Variants in AHCYL2 observed in about 807,000 individuals in gnomAD.
AHCYL2 encodes the protein adenosylhomocysteinase like 2.
AHCYL2 carries 28 observed loss-of-function variants against 81.4 expected under a neutral mutation model. That is an observed-to-expected ratio of 0.34 (90% CI 0.25 to 0.47). The LOEUF (loss-of-function observed/expected upper bound fraction) is 0.47, where lower values mean the gene tolerates loss of function less well. AHCYL2 is among the 20% of genes least tolerant of loss of function. AHCYL2 has a pLI of 1.00. For missense variants in AHCYL2, 551 were observed against 785.1 expected, an observed-to-expected ratio of 0.70 and a Z score of 3.56; for synonymous variants, 272 against 290.2, an observed-to-expected ratio of 0.94 and a Z score of 0.64.
At chr7:129,272,426 A>G (rs577407519) in intron 1 of AHCYL2, among the ~76,000 whole-genome samples, 15 of 152,336 alleles carry the variant, frequency 9.8e-5, no homozygotes, top group South Asian at 6.2e-4. Context: ...GCTTTAGGGT[A>G]GTTTGTAGTG....
intron 1 of AHCYL2, among the ~76,000 whole-genome samples, chr7:129,297,113 T>A (rs1158810577): frequency 1.3e-5 from 2 of 152,242 alleles, no homozygotes; most frequent in African/African-American, 4.8e-5. Context: ...GCACATTGTG[T>A]GACTTTAAGT....
At chr7:129,351,103 G>A (rs1793548269) in intron 1 of AHCYL2, among the ~76,000 whole-genome samples, 1 of 151,978 alleles carries the variant, frequency 6.6e-6, no homozygotes, top group Admixed American at 6.5e-5. Context: ...TTCTAAAATA[G>A]CAGTTTTAAA....
chr7:129,311,365 C>G (rs993822080), intron 1 of AHCYL2, among the ~76,000 whole-genome samples: 1 of 152,182 alleles, frequency 6.6e-6, no homozygotes, highest in Non-Finnish European at 1.5e-5. Flanking sequence ...CATCTCTTTT[C>G]TGTCATGGTG....
rs188254942 is a variant in AHCYL2, at chr7:129,252,384, A to G, written c.363+26945A>G. Among the ~76,000 whole-genome samples, 15 of 152,344 alleles carry G rather than the reference A, an allele frequency of 9.8e-5. 1 individual carries two copies. The East Asian group carries it at 2.9e-3, about 29-fold the overall frequency. Reference sequence around the variant, plus strand: ...AGCAACACTGGTTTTATTTAAGATCATCGGGTTAAACCAGCTAATACTCCT... The same window carrying G: ...AGCAACACTGGTTTTATTTAAGATCGTCGGGTTAAACCAGCTAATACTCCT... On this transcript the variant is annotated intron_variant, in intron 1 of 16. Coordinates refer to ENST00000325006, the MANE Select transcript of AHCYL2 (RefSeq NM_015328.4).
intron 12 of AHCYL2, among the ~76,000 whole-genome samples, chr7:129,418,583 G>GCCAC (rs1409212928): frequency 6.6e-6 from 1 of 152,140 alleles, no homozygotes; most frequent in African/African-American, 2.4e-5. Flanking sequence ...ACAGGCATGA[G>GCCAC]CCACCGCGCC....
chr7:129,410,174 C>G, intron 11 of AHCYL2: 1 of 1,610,774 alleles, frequency 6.2e-7, no homozygotes, highest in Admixed American at 1.7e-5. Context: ...GGGTTTATAA[C>G]CAATCCGATC....
chr7:129,254,231 A>C (rs904160058), intron 1 of AHCYL2, among the ~76,000 whole-genome samples: 2 of 152,180 alleles, frequency 1.3e-5, no homozygotes, highest in African/African-American at 4.8e-5. Flanking sequence ...CTATACTTTG[A>C]TTGATATGGA....
chr7:129,334,078 C>G (rs534847018), intron 1 of AHCYL2, among the ~76,000 whole-genome samples: 1 of 152,114 alleles, frequency 6.6e-6, no homozygotes, highest in African/African-American at 2.4e-5. Flanking sequence ...CAGTTTATGC[C>G]ATCAGAACCC....
chr7:129,284,623 T>A (rs954506180), intron 1 of AHCYL2, among the ~76,000 whole-genome samples: 12 of 149,382 alleles, frequency 8.0e-5, no homozygotes, highest in African/African-American at 3.0e-4. Context: ...AAAAAAAGCT[T>A]GGAATAGTTG....
At chr7:129,424,840 C>G in intron 13 of AHCYL2, 34 bp from the exon 14 acceptor site, 1 of 1,611,224 alleles carries the variant, frequency 6.2e-7, no homozygotes, top group African/African-American at 1.3e-5. Context: ...CGACTTTGTC[C>G]TAATCCATTT....
At chr7:129,256,273 T>C (rs1475194684) in intron 1 of AHCYL2, among the ~76,000 whole-genome samples, 3 of 152,168 alleles carry the variant, frequency 2.0e-5, no homozygotes, top group African/African-American at 7.2e-5. Context: ...TGCAATAGTA[T>C]AAAAATCAAA....
Position 129,400,290 on chromosome 7 carries a change from G to T in AHCYL2, c.824G>T (p.Gly275Val). The change falls in exon 6 of 17, where the codon GGA becomes GTA. Residue 275 changes from glycine (G) to valine (V), a missense_variant and splice_region_variant. Gly to Val is a moderately radical substitution (Grantham distance 109, BLOSUM62 -3). Around this residue, in one of 2 missense-constraint regions of AHCYL2, gnomAD observed 316 missense variants for 543.1 expected, o/e 0.58. Transcript: ENST00000325006. ...NEVAAALAES[G>V]FPVFAWKGES... ...TTCCCTTTGTTCCTTTTTTTCCCAG[G>T]ATTTCCTGTTTTTGCCTGGAAGGGA... is the stretch of plus-strand genomic sequence containing the variant. 1 of 1,610,898 alleles carries T rather than the reference G, an allele frequency of 6.2e-7. No individual in the cohort carries two copies. Among genetic ancestry groups the T allele is most frequent in the South Asian group, 1.1e-5 (1 of 90,592 alleles).
intron 1 of AHCYL2, among the ~76,000 whole-genome samples, chr7:129,348,088 C>G (rs1271323799): frequency 6.6e-6 from 1 of 152,198 alleles, no homozygotes; most frequent in African/African-American, 2.4e-5. Flanking sequence ...AGAATATTCA[C>G]TACAGCATTA....
chr7:129,271,064 T>TA lies in AHCYL2; in HGVS notation c.363+45636dup, dbSNP rs1349701444. 5.1e-3 allele frequency among the ~76,000 whole-genome samples: 747 copies of TA among 147,436 alleles called. 3 individuals are homozygous for TA. Among genetic ancestry groups the TA allele is most frequent in the African/African-American group, 9.6e-3 (387 of 40,348 alleles). ...CCAAATCTCACAGCTAAAGGTGCTC[T>TA]AAAAAAAAAAAGTTTGGGCCGGGCG... On this transcript the variant is annotated intron_variant, in intron 1 of 16. Coordinates refer to ENST00000325006, the MANE Select transcript of AHCYL2 (RefSeq NM_015328.4).
intron 1 of AHCYL2, among the ~76,000 whole-genome samples, chr7:129,317,588 G>A (rs1406370740): frequency 2.0e-5 from 3 of 152,184 alleles, no homozygotes; most frequent in Admixed American, 6.5e-5. Context: ...GCAGAATCCC[G>A]TATGGGGCAG....
intron 10 of AHCYL2, among the ~76,000 whole-genome samples, chr7:129,408,550 A>G (rs1177853664): frequency 1.3e-5 from 2 of 152,186 alleles, no homozygotes; most frequent in African/African-American, 4.8e-5. Flanking sequence ...TAATAAGTTT[A>G]TTTTCAAACA....
At chr7:129,403,156 G>A (rs111915343) in intron 6 of AHCYL2, among the ~76,000 whole-genome samples, 2,340 of 152,152 alleles carry the variant, frequency 0.015, 60 homozygotes, top group African/African-American at 0.053. Flanking sequence ...TTGGCTGCGC[G>A]AATTACAATT....
intron 4 of AHCYL2, among the ~76,000 whole-genome samples, chr7:129,395,143 G>T (rs1481501162): frequency 6.6e-6 from 1 of 152,322 alleles, no homozygotes; most frequent in African/African-American, 2.4e-5. Flanking sequence ...GCAGTGGACT[G>T]CTATAACCTT....
At chr7:129,321,759 TTTTTTGGTCTTGG>T (rs1563195948) in intron 1 of AHCYL2, among the ~76,000 whole-genome samples, 8 of 146,234 alleles carry the variant, frequency 5.5e-5, no homozygotes, top group Non-Finnish European at 7.5e-5. Flanking sequence ...TTTTTTTTTT[TTTTTTGGTCTTGG>T]TTTTGTTTTT....
Sources: allele counts gnomAD v4.1 joint callset (sites outside exome capture counted in the v4.1 genomes callset), GRCh38; gene constraint gnomAD v4.1.1; regional missense constraint gnomAD v4.1.1; transcripts MANE v1.5; gene names NCBI Gene and HGNC (gene_info 2026-07-23, HGNC 2026-07-21).